Variants in KLHL29 observed in about 807,000 individuals in gnomAD.
The protein encoded by KLHL29 is kelch like family member 29, also known as kelch-like protein 29.
A neutral mutation model predicts 80.4 loss-of-function variants in KLHL29; 21 were observed. The observed-to-expected ratio is 0.26, with a 90% CI of 0.19 to 0.38. The LOEUF is 0.38. KLHL29 is among the 10% of genes least tolerant of loss of function. The probability of loss-of-function intolerance (pLI) is 1.00; values close to 1 mark genes in which losing one functional copy is unlikely to be tolerated. For missense variants in KLHL29, 867 were observed against 1,223.9 expected (o/e 0.71, Z 4.35); for synonymous variants, 511 against 526.8 (o/e 0.97, Z 0.41).
intron 1 of KLHL29, among the ~76,000 whole-genome samples, chr2:23,444,076 C>T (rs576056834): frequency 4.6e-5 from 7 of 152,086 alleles, no homozygotes; most frequent in Non-Finnish European, 4.4e-5. Context: ...GCACAATATG[C>T]CCCAGACAAA....
At chr2:23,635,551 C>T (rs960441712) in intron 3 of KLHL29, among the ~76,000 whole-genome samples, 1 of 152,216 alleles carries the variant, frequency 6.6e-6, no homozygotes, top group African/African-American at 2.4e-5. Context: ...GTTCTTCAGT[C>T]GCTGAAAGAA....
intron 3 of KLHL29, among the ~76,000 whole-genome samples, chr2:23,635,200 T>A (rs1020587838): frequency 2.6e-5 from 4 of 152,254 alleles, no homozygotes; most frequent in African/African-American, 9.6e-5. Context: ...CGGGGCTGTG[T>A]GTCGCAGACT....
intron 3 of KLHL29, among the ~76,000 whole-genome samples, chr2:23,621,076 G>T (rs1252097509): frequency 6.6e-6 from 1 of 152,254 alleles, no homozygotes; most frequent in Non-Finnish European, 1.5e-5. Context: ...TTGGCCGGGG[G>T]ACTGCAGTGC....
intron 1 of KLHL29, among the ~76,000 whole-genome samples, chr2:23,454,231 C>CGCCCCGG (rs1663974049): frequency 6.6e-6 from 1 of 152,094 alleles, no homozygotes; most frequent in African/African-American, 2.4e-5. Context: ...CTGACCCTCC[C>CGCCCCGG]GCCCCGGCCC....
At chr2:23,629,136 G>A (rs1669405319) in intron 3 of KLHL29, among the ~76,000 whole-genome samples, 1 of 152,214 alleles carries the variant, frequency 6.6e-6, no homozygotes, top group South Asian at 2.1e-4. Flanking sequence ...GGGGAGCGGT[G>A]CGGACTGATT....
chr2:23,638,584 C>T (rs1016052169), intron 3 of KLHL29, among the ~76,000 whole-genome samples: 1 of 152,180 alleles, frequency 6.6e-6, no homozygotes, highest in African/African-American at 2.4e-5. Flanking sequence ...CTCCATAGGA[C>T]AATTGGGCCT....
chr2:23,552,863 G>A (rs1392610457), intron 2 of KLHL29, among the ~76,000 whole-genome samples: 5 of 144,346 alleles, frequency 3.5e-5, no homozygotes, highest in African/African-American at 7.8e-5. Context: ...AGGTTCAAGC[G>A]ATTCTCCTGC....
At chr2:23,509,457 G>A (rs182292361) in intron 2 of KLHL29, among the ~76,000 whole-genome samples, 9 of 152,214 alleles carry the variant, frequency 5.9e-5, no homozygotes, top group Admixed American at 2.0e-4. Flanking sequence ...GTGAGGGACA[G>A]GGGCGGATGG....
At chr2:23,670,777 C>G (rs776989482) in intron 5 of KLHL29, among the ~76,000 whole-genome samples, 47 of 151,962 alleles carry the variant, frequency 3.1e-4, no homozygotes, top group Non-Finnish European at 5.1e-4. Context: ...TTGCCCTAAA[C>G]TGACCCGGGC....
At chr2:23,495,168 G>A (rs1225028038) in intron 2 of KLHL29, among the ~76,000 whole-genome samples, 2 of 152,260 alleles carry the variant, frequency 1.3e-5, no homozygotes, top group South Asian at 2.1e-4. Flanking sequence ...GATCACAGGC[G>A]TGCATCACTG....
intron 2 of KLHL29, among the ~76,000 whole-genome samples, chr2:23,521,217 TGGCCATGCAGAA>T (rs1385713383): frequency 5.3e-5 from 8 of 152,106 alleles, no homozygotes; most frequent in Admixed American, 1.3e-4. Flanking sequence ...GCATTCCTTG[TGGCCATGCAGAA>T]GGCCATGCAG....
intron 5 of KLHL29, among the ~76,000 whole-genome samples, chr2:23,650,668 C>G (rs973094365): frequency 6.6e-6 from 1 of 152,224 alleles, no homozygotes; most frequent in Non-Finnish European, 1.5e-5. Context: ...TAACCCCTGA[C>G]AGGGAAATCA....
chr2:23,578,299 G>C (rs1439817919), intron 3 of KLHL29, among the ~76,000 whole-genome samples: 1 of 152,182 alleles, frequency 6.6e-6, no homozygotes, highest in Non-Finnish European at 1.5e-5. Flanking sequence ...GGGATTAGGA[G>C]CCCAGACTCT....
intron 2 of KLHL29, among the ~76,000 whole-genome samples, chr2:23,509,793 C>T (rs1665714649): frequency 6.6e-6 from 1 of 152,036 alleles, no homozygotes; most frequent in Non-Finnish European, 1.5e-5. Flanking sequence ...CGCTGTGACC[C>T]GGGGGGTGGT....
intron 4 of KLHL29, among the ~76,000 whole-genome samples, chr2:23,640,167 C>G (rs1420593814): frequency 6.6e-6 from 1 of 152,198 alleles, no homozygotes; most frequent in Admixed American, 6.5e-5. Context: ...AATAGCAAGG[C>G]TTCATCAGTG....
At chr2:23,560,263 CTTTTTTTTTTTTTTTT>C (rs67065961) in intron 2 of KLHL29, among the ~76,000 whole-genome samples, 1 of 73,232 alleles carries the variant, frequency 1.4e-5, no homozygotes, top group African/African-American at 6.0e-5. Flanking sequence ...ATTGGATAGG[CTTTTTTTTTTTTTTTT>C]TTTTTTTTTT....
intron 1 of KLHL29, among the ~76,000 whole-genome samples, chr2:23,462,428 CAGAA>C (rs1392226774): frequency 2.6e-5 from 4 of 152,304 alleles, no homozygotes; most frequent in East Asian, 1.9e-4. Flanking sequence ...CCCCAACTGA[CAGAA>C]AGAGCCCCAG....
intron 1 of KLHL29, among the ~76,000 whole-genome samples, chr2:23,422,403 A>G (rs867647638): frequency 6.9e-6 from 1 of 144,798 alleles, no homozygotes; most frequent in African/African-American, 2.6e-5. Context: ...TCATATGCCT[A>G]TGTGTCTGTG....
intron 3 of KLHL29, among the ~76,000 whole-genome samples, chr2:23,630,566 C>T (rs1394115184): frequency 6.6e-6 from 1 of 152,178 alleles, no homozygotes; most frequent in Non-Finnish European, 1.5e-5. Flanking sequence ...TCAATGCAAC[C>T]TCCACCTCCC....
Sources: allele counts gnomAD v4.1 joint callset (sites outside exome capture counted in the v4.1 genomes callset), GRCh38; gene constraint gnomAD v4.1.1; transcripts MANE v1.5; gene names NCBI Gene and HGNC (gene_info 2026-07-23, HGNC 2026-07-21).